PPM1H: variants seen among roughly 807,000 people sequenced by gnomAD.
The protein encoded by PPM1H is protein phosphatase, Mg2+/Mn2+ dependent 1H.
PPM1H carries 27 observed loss-of-function variants against 54.9 expected under a neutral mutation model. That is an observed-to-expected ratio of 0.49 (90% CI 0.36 to 0.68). The LOEUF is 0.68. Ranked by LOEUF, PPM1H falls within the 30% of genes least tolerant of loss-of-function variation. The pLI is 0.00. For synonymous variants in PPM1H, 305 were observed against 270.8 expected (o/e 1.13, Z -1.24); for missense variants, 596 against 667.8 (o/e 0.89, Z 1.19).
chr12:62,768,618 G>T (rs1389015149), intron 4 of PPM1H, among the ~76,000 whole-genome samples: 2 of 151,934 alleles, frequency 1.3e-5, no homozygotes, highest in Non-Finnish European at 2.9e-5. Flanking sequence ...TCCCGCCATT[G>T]CACTCCAGAC....
intron 6 of PPM1H, among the ~76,000 whole-genome samples, chr12:62,708,165 C>T (rs2076185670): frequency 6.6e-6 from 1 of 152,246 alleles, no homozygotes. Flanking sequence ...GAGAGATCTG[C>T]TTTCAGCTCT....
intron 1 of PPM1H, among the ~76,000 whole-genome samples, chr12:62,919,360 C>G (rs1242649920): frequency 6.6e-6 from 1 of 151,182 alleles, no homozygotes; most frequent in Non-Finnish European, 1.5e-5. Context: ...GAGTCCTAGC[C>G]TGTGGTCCAG....
At chr12:62,699,596 A>G (rs2076132732) in intron 6 of PPM1H, among the ~76,000 whole-genome samples, 1 of 152,224 alleles carries the variant, frequency 6.6e-6, no homozygotes, top group Non-Finnish European at 1.5e-5. Flanking sequence ...AGGGTGGACA[A>G]TGAGATATTA....
At chr12:62,830,490 C>T (rs1044235710) in intron 2 of PPM1H, among the ~76,000 whole-genome samples, 12 of 152,120 alleles carry the variant, frequency 7.9e-5, no homozygotes, top group Non-Finnish European at 1.6e-4. Context: ...CTCCTGACCT[C>T]GTGATCTGCC....
intron 5 of PPM1H, among the ~76,000 whole-genome samples, chr12:62,737,209 G>T (rs917508439): frequency 8.7e-6 from 1 of 115,170 alleles, no homozygotes; most frequent in East Asian, 2.8e-4. Context: ...TTGTACATAA[G>T]AAGCCATTAA....
At chr12:62,902,378 A>AT (rs1442147184) in intron 1 of PPM1H, among the ~76,000 whole-genome samples, 6 of 151,572 alleles carry the variant, frequency 4.0e-5, no homozygotes, top group African/African-American at 1.4e-4. Context: ...AATAATAATA[A>AT]AATAAAAAAA....
intron 6 of PPM1H, among the ~76,000 whole-genome samples, chr12:62,707,112 A>G (rs11174613): frequency 0.11 from 16,814 of 152,208 alleles, 1,221 homozygotes; most frequent in African/African-American, 0.2. Flanking sequence ...TGGGGTGTGT[A>G]GCATTTACTG....
intron 6 of PPM1H, among the ~76,000 whole-genome samples, chr12:62,697,251 C>T (rs974172612): frequency 6.6e-6 from 1 of 152,088 alleles, no homozygotes; most frequent in African/African-American, 2.4e-5. Flanking sequence ...CTTAGCCTCC[C>T]AAGTAGCTGG....
At chr12:62,734,769 T>C (rs1016427506) in intron 5 of PPM1H, among the ~76,000 whole-genome samples, 7 of 152,172 alleles carry the variant, frequency 4.6e-5, no homozygotes, top group Non-Finnish European at 1.0e-4. Flanking sequence ...GGGCTGTGCA[T>C]AGTGGCTCAC....
chr12:62,878,959 AAAC>A (rs1239554962), intron 1 of PPM1H, among the ~76,000 whole-genome samples: 1 of 152,228 alleles, frequency 6.6e-6, no homozygotes, highest in Non-Finnish European at 1.5e-5. Context: ...AAAAAAAAGA[AAAC>A]TACTGATTGA....
At chr12:62,929,502 T>C (rs1231174246) in intron 1 of PPM1H, among the ~76,000 whole-genome samples, 3 of 152,180 alleles carry the variant, frequency 2.0e-5, no homozygotes, top group Non-Finnish European at 2.9e-5. Context: ...CAGTATGCAG[T>C]TTTACATTTT....
intron 2 of PPM1H, among the ~76,000 whole-genome samples, chr12:62,829,181 A>G (rs1157493858): frequency 6.6e-6 from 1 of 152,258 alleles, no homozygotes; most frequent in Admixed American, 6.5e-5. Flanking sequence ...AGAATAGCTG[A>G]AAGGTAAAAA....
intron 1 of PPM1H, among the ~76,000 whole-genome samples, chr12:62,875,852 G>A (rs1870150177): frequency 6.6e-6 from 1 of 152,138 alleles, no homozygotes; most frequent in Non-Finnish European, 1.5e-5. Context: ...AGGGAGAACT[G>A]GGCATCACTA....
At chr12:62,692,936 C>A (rs947965352) in intron 7 of PPM1H, among the ~76,000 whole-genome samples, 2 of 149,054 alleles carry the variant, frequency 1.3e-5, no homozygotes, top group Non-Finnish European at 3.0e-5. Flanking sequence ...TGCTCTGACA[C>A]ACACACACAC....
intron 1 of PPM1H, among the ~76,000 whole-genome samples, chr12:62,875,429 TG>T (rs1407010397): frequency 6.6e-6 from 1 of 152,012 alleles, no homozygotes; most frequent in African/African-American, 2.4e-5. Context: ...CCTTACAGGG[TG>T]AATGTAAGAA....
At chr12:62,673,945 G>C (rs957837296) in intron 8 of PPM1H, among the ~76,000 whole-genome samples, 5 of 151,630 alleles carry the variant, frequency 3.3e-5, no homozygotes, top group Non-Finnish European at 5.9e-5. Flanking sequence ...TCAAACTCCT[G>C]AGCTCAAGAG....
At chr12:62,858,760 A>C (rs181051780) in intron 1 of PPM1H, among the ~76,000 whole-genome samples, 145 of 152,350 alleles carry the variant, frequency 9.5e-4, no homozygotes, top group Middle Eastern at 6.8e-3. Flanking sequence ...AAACATGACT[A>C]TTATTCAATG....
At chr12:62,693,649 C>G (rs776568874) in intron 7 of PPM1H, among the ~76,000 whole-genome samples, 2 of 152,186 alleles carry the variant, frequency 1.3e-5, no homozygotes, top group Non-Finnish European at 1.5e-5. Flanking sequence ...GAAAGTGGTT[C>G]ATGTTTAAAC....
At chr12:62,782,901 C>T (rs2076650092) in intron 4 of PPM1H, among the ~76,000 whole-genome samples, 1 of 152,164 alleles carries the variant, frequency 6.6e-6, no homozygotes, top group Non-Finnish European at 1.5e-5. Flanking sequence ...GATCACGGCT[C>T]ACTGCAGCCT....
Sources: allele counts gnomAD v4.1 joint callset (sites outside exome capture counted in the v4.1 genomes callset), GRCh38; gene constraint gnomAD v4.1.1; transcripts MANE v1.5; gene names NCBI Gene and HGNC (gene_info 2026-07-23, HGNC 2026-07-21).